The following WDR72 variants were observed in gnomAD, a reference collection of about 807,000 sequenced individuals.
WDR72 encodes WD repeat domain 72.
In WDR72, 120 loss-of-function variants were observed where a neutral mutation model predicts 124.2. That is an observed-to-expected ratio of 0.97 (90% CI 0.83 to 1.12). The LOEUF (loss-of-function observed/expected upper bound fraction) is 1.12. Among genes scored for constraint, WDR72 ranks in the 50% most tolerant of loss-of-function variants. The probability of loss-of-function intolerance (pLI) is 0.00; values close to 1 mark genes in which losing one functional copy is unlikely to be tolerated. For missense variants in WDR72, 1,387 were observed against 1,278.8 expected (o/e 1.08, Z -1.29); for synonymous variants, 452 against 441.7 (o/e 1.02, Z -0.29).
intron 14 of WDR72, among the ~76,000 whole-genome samples, chr15:53,620,024 T>C (rs1444177239): frequency 1.3e-5 from 2 of 152,048 alleles, no homozygotes; most frequent in Non-Finnish European, 2.9e-5. Context: ...GCAAGATTAG[T>C]GTAAGTTGGC....
At position 53,750,646 on chromosome 15, in the gene WDR72, G is replaced by C. The variant is rs562129920; in HGVS notation, c.-13+8987C>G. The stretch of plus-strand genomic sequence containing the variant: ...GACAAAGTCAATTGAAAACTTTCTG[G>C]AAAAGGTTCACCACTTTAGGTGCCT... On this transcript the variant is annotated intron_variant, in intron 1 of 19. Transcript: ENST00000360509. Among the ~76,000 whole-genome samples the C allele has an allele frequency of 1.1e-4, 16 of 152,244 alleles. No homozygotes were observed. In the Middle Eastern group the frequency reaches 0.017, roughly 162 times the overall value.
chr15:53,633,624 T>C (rs965518294), intron 14 of WDR72, among the ~76,000 whole-genome samples: 12 of 152,148 alleles, frequency 7.9e-5, no homozygotes, highest in African/African-American at 2.9e-4. Context: ...CAGCATAGTC[T>C]CTGGATATAA....
intron 18 of WDR72, among the ~76,000 whole-genome samples, chr15:53,577,259 C>T (rs868625319): frequency 6.6e-6 from 1 of 152,168 alleles, no homozygotes; most frequent in South Asian, 2.1e-4. Flanking sequence ...TGGTCCAGCA[C>T]CTCTCCAAAG....
chr15:53,545,117 C>T (rs1430625393), intron 18 of WDR72, among the ~76,000 whole-genome samples: 1 of 149,138 alleles, frequency 6.7e-6, no homozygotes, highest in Non-Finnish European at 1.5e-5. Flanking sequence ...AATGCCATCC[C>T]CATAAAGCTA....
rs547944926 is a variant in WDR72 at position 53,759,188 on chromosome 15, A to T, written c.-13+445T>A. ...TTTAAAATTAATTCGACCTAAAATT[A>T]AAGTTTTAAAAATAAATAAATAAAT... On this transcript the variant is annotated intron_variant, in intron 1 of 19. Coordinates refer to ENST00000360509, the MANE Select transcript of WDR72 (RefSeq NM_182758.4). 2.6e-5 allele frequency: 4 copies of T among 151,838 alleles called. No individual in the cohort carries two copies. In the East Asian group the frequency reaches 7.8e-4, roughly 29 times the overall value. The allele number at this position is 151,838 out of a possible 1,614,324, so 9.4% of individuals were successfully genotyped here. A position where few individuals can be genotyped will look rare whatever the true frequency, so the allele number is the denominator to read the frequency against.
chr15:53,525,029 G>T (rs574501554), intron 18 of WDR72, among the ~76,000 whole-genome samples: 1 of 152,190 alleles, frequency 6.6e-6, no homozygotes, highest in African/African-American at 2.4e-5. Flanking sequence ...AAGGATGCAT[G>T]TTTGCAAAAT....
At chr15:53,683,271 G>A (rs1199936279) in intron 13 of WDR72, among the ~76,000 whole-genome samples, 1 of 152,076 alleles carries the variant, frequency 6.6e-6, no homozygotes, top group Non-Finnish European at 1.5e-5. Context: ...CTGATGTTTG[G>A]CATCAGAATA....
intron 14 of WDR72, among the ~76,000 whole-genome samples, chr15:53,635,199 C>T (rs2014579285): frequency 1.3e-5 from 2 of 152,222 alleles, no homozygotes; most frequent in African/African-American, 4.8e-5. Flanking sequence ...AAGAGATACA[C>T]ATTTATCACC....
intron 1 of WDR72, among the ~76,000 whole-genome samples, chr15:53,735,342 T>A (rs561029796): frequency 6.6e-6 from 1 of 152,056 alleles, no homozygotes; most frequent in Non-Finnish European, 1.5e-5. Flanking sequence ...CTGGAACTCA[T>A]ACACTGACGG....
chr15:53,598,213 CTTCATATAGCTACATCCCAGTGCCT>C (rs375731687), intron 17 of WDR72, among the ~76,000 whole-genome samples: 44,179 of 150,626 alleles, frequency 0.29, 7,866 homozygotes, highest in Middle Eastern at 0.55. Flanking sequence ...ACAGTTAAAC[CTTCATATAGCTACATCCCAGTGCCT>C]TTCATATAGC....
At chr15:53,568,812 T>C (rs1345051032) in intron 18 of WDR72, among the ~76,000 whole-genome samples, 3 of 151,984 alleles carry the variant, frequency 2.0e-5, no homozygotes, top group Non-Finnish European at 2.9e-5. Flanking sequence ...AGTTAAAAAC[T>C]CAGCTGCTAT....
intron 18 of WDR72, among the ~76,000 whole-genome samples, chr15:53,593,313 C>T (rs1234917275): frequency 6.6e-6 from 1 of 152,018 alleles, no homozygotes. Flanking sequence ...TTCCACGTTG[C>T]AAGTATGGAA....
intron 17 of WDR72, among the ~76,000 whole-genome samples, chr15:53,601,252 C>A (rs1172092208): frequency 6.6e-6 from 1 of 151,976 alleles, no homozygotes; most frequent in Non-Finnish European, 1.5e-5. Flanking sequence ...TCATATCTAG[C>A]CTAACTAAGC....
chr15:53,737,650 A>C (rs1467386043), intron 1 of WDR72, among the ~76,000 whole-genome samples: 2 of 152,166 alleles, frequency 1.3e-5, no homozygotes, highest in Non-Finnish European at 2.9e-5. Context: ...CTCAAAATAC[A>C]TAAAACACAA....
intron 3 of WDR72, 91 bp downstream of exon 3, chr15:53,722,710 AG>A: frequency 2.7e-6 from 3 of 1,101,974 alleles, no homozygotes; most frequent in Non-Finnish European, 4.2e-6. Context: ...TTGATCACAA[AG>A]GTTTCCTTCA....
chr15:53,526,023 A>G (rs575178165), intron 18 of WDR72, among the ~76,000 whole-genome samples: 1 of 152,146 alleles, frequency 6.6e-6, no homozygotes, highest in South Asian at 2.1e-4. Flanking sequence ...GTGATGTTTC[A>G]TCACTGAACT....
chr15:53,639,877 T>C (rs1449191077), intron 14 of WDR72, among the ~76,000 whole-genome samples: 1 of 152,122 alleles, frequency 6.6e-6, no homozygotes, highest in Non-Finnish European at 1.5e-5. Flanking sequence ...GACATTCTAA[T>C]ATCTTAGAGT....
intron 5 of WDR72, 68 bp downstream of exon 5, chr15:53,715,125 A>G (rs2017666558): frequency 6.5e-7 from 1 of 1,541,584 alleles, no homozygotes; most frequent in East Asian, 2.3e-5. Context: ...CAATAATTTG[A>G]CAAATAATTC....
At chr15:53,681,355 G>C (rs541153263) in intron 13 of WDR72, among the ~76,000 whole-genome samples, 1 of 152,260 alleles carries the variant, frequency 6.6e-6, no homozygotes, top group African/African-American at 2.4e-5. Context: ...AACGTTCCAA[G>C]TGTCATATAA....
Sources: gnomAD v4.1 joint callset for allele counts (sites outside exome capture counted in the v4.1 genomes callset) on GRCh38, gnomAD v4.1.1 for gene constraint, MANE v1.5 for transcripts, NCBI Gene and HGNC (gene_info 2026-07-23, HGNC 2026-07-21) for gene names.